Variants in MYO16 observed in about 807,000 individuals in gnomAD.
MYO16 encodes unconventional myosin-XVI.
MYO16 carries 94 observed loss-of-function variants against 205.3 expected under a neutral mutation model. That is an observed-to-expected ratio of 0.46 (90% CI 0.39 to 0.54). The LOEUF (loss-of-function observed/expected upper bound fraction) is 0.54. Ranked by LOEUF, MYO16 falls within the 20% of genes least tolerant of loss-of-function variation. The pLI, the probability that MYO16 is intolerant of heterozygous loss-of-function variation, is 0.00. For missense variants in MYO16, 2,315 were observed against 2,387.5 expected (o/e 0.97, Z 0.63); for synonymous variants, 988 against 954.0 (o/e 1.04, Z -0.66).
chr13:108,883,013 C>T (rs767561657), intron 12 of MYO16, 46 bp from the exon 13 acceptor site: 58 of 1,603,080 alleles, frequency 3.6e-5, no homozygotes, highest in Middle Eastern at 1.8e-4. Context: ...GGAATACTGG[C>T]GCCTTTTCAC....
At chr13:108,801,148 T>A (rs948060793) in intron 6 of MYO16, among the ~76,000 whole-genome samples, 4 of 152,174 alleles carry the variant, frequency 2.6e-5, no homozygotes, top group African/African-American at 9.7e-5. Flanking sequence ...GAAATTAATT[T>A]AAAAAACCAC....
At chr13:108,713,181 T>G (rs1345746574) in intron 3 of MYO16, among the ~76,000 whole-genome samples, 1 of 152,120 alleles carries the variant, frequency 6.6e-6, no homozygotes, top group African/African-American at 2.4e-5. Context: ...TTAAAAATAT[T>G]ATATTATAAA....
intron 3 of MYO16, among the ~76,000 whole-genome samples, chr13:108,714,991 C>A (rs1449486417): frequency 6.6e-6 from 1 of 152,130 alleles, no homozygotes; most frequent in Non-Finnish European, 1.5e-5. Flanking sequence ...TACTGTTTCC[C>A]ATTCACAGCC....
intron 13 of MYO16, among the ~76,000 whole-genome samples, chr13:108,885,713 T>C (rs1052076754): frequency 1.3e-5 from 2 of 152,190 alleles, no homozygotes; most frequent in Non-Finnish European, 2.9e-5. Flanking sequence ...TACATAACTT[T>C]TGAGTGCTCC....
At chr13:108,889,270 A>T (rs1254245610) in intron 14 of MYO16, among the ~76,000 whole-genome samples, 1 of 152,134 alleles carries the variant, frequency 6.6e-6, no homozygotes, top group Non-Finnish European at 1.5e-5. Context: ...AAACATTTGC[A>T]GTGTTAACTG....
intron 23 of MYO16, among the ~76,000 whole-genome samples, chr13:109,028,754 A>G (rs9521132): frequency 0.16 from 24,878 of 150,924 alleles, 2,190 homozygotes; most frequent in East Asian, 0.24. Flanking sequence ...CTACAGATAA[A>G]ATTGTAATCT....
At chr13:108,761,544 T>G (rs1477938945) in intron 4 of MYO16, among the ~76,000 whole-genome samples, 2 of 152,112 alleles carry the variant, frequency 1.3e-5, no homozygotes. Flanking sequence ...TTGGAGACTT[T>G]CAATCTGAGA....
chr13:108,887,597 G>A (rs1879963792), intron 13 of MYO16, among the ~76,000 whole-genome samples: 1 of 152,150 alleles, frequency 6.6e-6, no homozygotes, highest in Non-Finnish European at 1.5e-5. Flanking sequence ...AATGAAGTAT[G>A]CCTGGGATGT....
At chr13:109,138,945 A>C (rs1156872379) in intron 31 of MYO16, among the ~76,000 whole-genome samples, 1 of 152,070 alleles carries the variant, frequency 6.6e-6, no homozygotes, top group African/African-American at 2.4e-5. Flanking sequence ...CAGCCTCCCG[A>C]GTAGCTGGGA....
At chr13:108,903,015 C>G (rs760295800) in intron 15 of MYO16, among the ~76,000 whole-genome samples, 1 of 152,220 alleles carries the variant, frequency 6.6e-6, no homozygotes, top group Non-Finnish European at 1.5e-5. Flanking sequence ...AGTGTATCCA[C>G]GATGTCTCCG....
intron 2 of MYO16, among the ~76,000 whole-genome samples, chr13:108,667,054 C>T (rs541782999): frequency 1.3e-5 from 2 of 152,242 alleles, no homozygotes; most frequent in South Asian, 2.1e-4. Context: ...GCTCCGAAGC[C>T]GTTATTTTGA....
intron 23 of MYO16, among the ~76,000 whole-genome samples, chr13:109,020,155 G>A (rs1220248239): frequency 6.6e-6 from 1 of 152,100 alleles, no homozygotes; most frequent in Non-Finnish European, 1.5e-5. Context: ...AACTTTATAT[G>A]AGCAAAGGAT....
chr13:108,988,202 T>G (rs1266717410), intron 20 of MYO16, among the ~76,000 whole-genome samples: 1 of 152,192 alleles, frequency 6.6e-6, no homozygotes, highest in Non-Finnish European at 1.5e-5. Flanking sequence ...AGGAGTCAGA[T>G]ATCAATAAGG....
At chr13:108,746,503 T>C (rs1164092332) in intron 4 of MYO16, among the ~76,000 whole-genome samples, 1 of 151,750 alleles carries the variant, frequency 6.6e-6, no homozygotes, top group Non-Finnish European at 1.5e-5. Context: ...ATTATATATA[T>C]CAAAATGGCT....
chr13:108,616,355 A>G (rs945178327), intron 1 of MYO16, among the ~76,000 whole-genome samples: 8 of 152,170 alleles, frequency 5.3e-5, no homozygotes, highest in Admixed American at 5.2e-4. Flanking sequence ...CAATGTTCTG[A>G]GTAAGCGCAA....
At chr13:109,134,715 C>T (rs940410046) in intron 31 of MYO16, among the ~76,000 whole-genome samples, 1 of 152,168 alleles carries the variant, frequency 6.6e-6, no homozygotes, top group Non-Finnish European at 1.5e-5. Context: ...GATGCAGCAT[C>T]GCTTTCAGGG....
At chr13:108,938,759 T>G (rs1379643770) in intron 16 of MYO16, among the ~76,000 whole-genome samples, 1 of 152,168 alleles carries the variant, frequency 6.6e-6, no homozygotes, top group African/African-American at 2.4e-5. Flanking sequence ...CCATCTATGT[T>G]CAGGTAAGGT....
chr13:108,577,283 T>C, the MYO16 span, among the ~76,000 whole-genome samples: 1 of 152,164 alleles, frequency 6.6e-6, no homozygotes, highest in Admixed American at 6.5e-5. Flanking sequence ...GAGGAGGGAA[T>C]GGCTAAAGGC....
At chr13:108,985,941 A>G (rs1460642564) in intron 20 of MYO16, among the ~76,000 whole-genome samples, 1 of 152,224 alleles carries the variant, frequency 6.6e-6, no homozygotes, top group African/African-American at 2.4e-5. Flanking sequence ...GAGACTGGGT[A>G]ATTTATTAAG....
Sources: allele counts gnomAD v4.1 joint callset (sites outside exome capture counted in the v4.1 genomes callset), GRCh38; gene constraint gnomAD v4.1.1; transcripts MANE v1.5; gene names NCBI Gene and HGNC (gene_info 2026-07-23, HGNC 2026-07-21).